CCDC33: variants seen among roughly 807,000 people sequenced by gnomAD.
CCDC33 encodes coiled-coil domain-containing protein 33.
A neutral mutation model predicts 91.9 loss-of-function variants in CCDC33; 94 were observed. The ratio of observed to expected loss-of-function variants is 1.02; its 90% CI spans 0.87 to 1.21. CCDC33 has a LOEUF of 1.21. Among genes scored for constraint, CCDC33 ranks in the 50% most tolerant of loss-of-function variants. CCDC33 has a pLI of 0.00. For synonymous variants in CCDC33, 396 were observed against 374.5 expected, an observed-to-expected ratio of 1.06 and a Z score of -0.66; for missense variants, 940 against 935.5, an observed-to-expected ratio of 1.00 and a Z score of -0.06.
Position 74,295,927 on chromosome 15 carries a change from GC to G in CCDC33, c.1271del (p.Pro424LeufsTer9). 6.2e-7 allele frequency: 1 copy of G among 1,613,198 alleles called. No homozygotes were observed. The highest frequency in any genetic ancestry group is 8.5e-7 in the Non-Finnish European group (1 of 1,179,588). ...GAGAAGCAGAGGAGGAACCTCTGGT[GC>G]CTGAGATGTCCCATGACACAGTGAG... ...PREAEEEPLVPEMSHDTEMNN... is the reference protein window; with the variant it reads ...PREAEEEPLVXEMSHDTEMNN... On this transcript the variant is annotated frameshift_variant, in exon 11 of 19. Coordinates refer to ENST00000398814, the MANE Select transcript of CCDC33 (RefSeq NM_025055.5). LOFTEE classifies it high-confidence loss of function.
chr15:74,288,056 G>A (rs1423130538), intron 10 of CCDC33, among the ~76,000 whole-genome samples: 2 of 152,214 alleles, frequency 1.3e-5, no homozygotes, highest in Non-Finnish European at 2.9e-5. Context: ...CCACTTCAGA[G>A]AGAAGGAACT....
intron 2 of CCDC33, among the ~76,000 whole-genome samples, chr15:74,230,555 G>C (rs1193766941): frequency 6.6e-6 from 1 of 152,202 alleles, no homozygotes; most frequent in Non-Finnish European, 1.5e-5. Context: ...CAAATGCCAA[G>C]AGGAATCCTT....
rs975307031 is a variant in CCDC33, at chr15:74,330,125, T to A, written c.1291-64T>A. 1.7e-5 allele frequency: 26 copies of A among 1,506,918 alleles called. No individual in the cohort carries two copies. In the African/African-American group the frequency reaches 3.1e-4, roughly 18 times the overall value. The allele number at this position is 1,506,918 out of a possible 1,614,324, so 93.3% of individuals were successfully genotyped here. On this transcript the variant is annotated intron_variant, in intron 11 of 18. Transcript: ENST00000398814. Reference sequence around the variant, plus strand: ...GGACCCACTGACTTTCAAGTGTAGATGTGGATGTGGGACCAGGGTTGCTAT... The same window carrying A: ...GGACCCACTGACTTTCAAGTGTAGAAGTGGATGTGGGACCAGGGTTGCTAT...
intron 11 of CCDC33, among the ~76,000 whole-genome samples, chr15:74,310,692 T>G (rs1162360023): frequency 6.6e-6 from 1 of 152,172 alleles, no homozygotes; most frequent in Non-Finnish European, 1.5e-5. Context: ...CACCTGCATC[T>G]GTGAGGTCTG....
intron 2 of CCDC33, among the ~76,000 whole-genome samples, chr15:74,260,427 AC>A (rs1402556096): frequency 2.0e-5 from 3 of 152,128 alleles, no homozygotes; most frequent in African/African-American, 7.2e-5. Context: ...CCCAGCTTGT[AC>A]TCAGTGCTCC....
chr15:74,235,836 A>G (rs1472431799), upstream of CCDC33, among the ~76,000 whole-genome samples: 3 of 152,184 alleles, frequency 2.0e-5, no homozygotes, highest in African/African-American at 7.2e-5. Context: ...ATGAATTTCC[A>G]TTAACTGACC....
chr15:74,226,835 A>G (rs1451152646), intron 2 of CCDC33, among the ~76,000 whole-genome samples: 2 of 152,034 alleles, frequency 1.3e-5, no homozygotes, highest in African/African-American at 2.4e-5. Context: ...CTCAAAAAAA[A>G]AAAAAAAAGG....
intron 15 of CCDC33, 49 bp downstream of exon 15, chr15:74,331,345 C>G: frequency 6.3e-7 from 1 of 1,578,028 alleles, no homozygotes; most frequent in Non-Finnish European, 8.7e-7. Flanking sequence ...TGCTCCACCC[C>G]TGGAGGCCCT....
intron 5 of CCDC33, among the ~76,000 whole-genome samples, chr15:74,268,784 C>T (rs1347417846): frequency 6.6e-6 from 1 of 152,164 alleles, no homozygotes; most frequent in African/African-American, 2.4e-5. Context: ...CCTGTCTCCC[C>T]GAATCTTATG....
intron 10 of CCDC33, 22 bp downstream of exon 10, chr15:74,281,871 G>A: frequency 6.2e-7 from 1 of 1,606,914 alleles, no homozygotes; most frequent in Non-Finnish European, 8.5e-7. Context: ...GGCCAGGGGA[G>A]GGTCAGGGCC....
At chr15:74,333,282 GC>G in intron 16 of CCDC33, 1 of 1,600,990 alleles carries the variant, frequency 6.2e-7, no homozygotes. Context: ...GAGACGCATG[GC>G]CCAGGCCACT....
intron 2 of CCDC33, chr15:74,209,674 A>G (rs2074340476): frequency 3.7e-6 from 2 of 538,620 alleles, no homozygotes; most frequent in Non-Finnish European, 6.6e-6. Flanking sequence ...ACGCTGCTGG[A>G]CAGTCGGCTG....
Position 74,280,759 on chromosome 15 carries a change from GA to G in CCDC33, c.984del (p.Gly329AlafsTer17). On this transcript the variant is annotated frameshift_variant, in exon 9 of 19. Coordinates refer to ENST00000398814, the MANE Select transcript of CCDC33 (RefSeq NM_025055.5). LOFTEE classifies it high-confidence loss of function. ...GTTTGTACCAGAAGATGCTGACAGG[GA>G]AAGGCTTGGACGGGCTTCACGTGGA... ...SRLYQKMLTGKGLDGLHVERL... is the reference protein window; with the variant it reads ...SRLYQKMLTGXGLDGLHVERL... The G allele has an allele frequency of 2.5e-6, 4 of 1,575,148 alleles. No individual in the cohort carries two copies. Among genetic ancestry groups the G allele is most frequent in the South Asian group, 1.2e-5 (1 of 85,668 alleles).
chr15:74,230,895 G>T (rs1020177424), intron 2 of CCDC33, among the ~76,000 whole-genome samples: 3 of 152,200 alleles, frequency 2.0e-5, no homozygotes, highest in Non-Finnish European at 4.4e-5. Flanking sequence ...GCAGAACCAG[G>T]GTTAGAGCCA....
chr15:74,268,492 G>GGT, intron 5 of CCDC33, 34 bp downstream of exon 5: 1 of 1,479,362 alleles, frequency 6.8e-7, no homozygotes, highest in African/African-American at 1.4e-5. Context: ...GGTGGTGGTG[G>GGT]GGGTGGGAAA....
intron 11 of CCDC33, among the ~76,000 whole-genome samples, chr15:74,322,192 C>A (rs949070461): frequency 6.6e-6 from 1 of 152,214 alleles, no homozygotes; most frequent in African/African-American, 2.4e-5. Context: ...AAAATGTTAT[C>A]ATTTAAAACG....
chr15:74,255,738 C>A (rs1428702627), intron 2 of CCDC33, among the ~76,000 whole-genome samples: 1 of 152,248 alleles, frequency 6.6e-6, no homozygotes, highest in Non-Finnish European at 1.5e-5. Context: ...GCTCAGTGCC[C>A]CCTGGGCCTG....
chr15:74,324,570 G>A (rs571672198), intron 11 of CCDC33, among the ~76,000 whole-genome samples: 1 of 152,012 alleles, frequency 6.6e-6, no homozygotes, highest in South Asian at 2.1e-4. Flanking sequence ...CGCTAGTCCT[G>A]AGAGCTCCTC....
At chr15:74,323,531 AT>A (rs77449652) in intron 11 of CCDC33, among the ~76,000 whole-genome samples, 71,858 of 150,304 alleles carry the variant, frequency 0.48, 18,816 homozygotes, top group South Asian at 0.69. Context: ...TTTTTTAATT[AT>A]TTTTTTTATT....
Sources: allele counts gnomAD v4.1 joint callset (sites outside exome capture counted in the v4.1 genomes callset), GRCh38; gene constraint gnomAD v4.1.1; transcripts MANE v1.5; gene names NCBI Gene and HGNC (gene_info 2026-07-23, HGNC 2026-07-21).